PPFIA2: variants seen among roughly 807,000 people sequenced by gnomAD.
PPFIA2 encodes the protein liprin-alpha-2.
Under a neutral mutation model 175.5 loss-of-function variants are expected in PPFIA2, and 46 were observed. The observed-to-expected ratio is 0.26, with a 90% CI of 0.21 to 0.34. The LOEUF is 0.34. Ranked by LOEUF, PPFIA2 falls within the 10% of genes least tolerant of loss-of-function variation. PPFIA2 has a pLI of 1.00. For synonymous variants in PPFIA2, 568 were observed against 511.4 expected, an observed-to-expected ratio of 1.11 and a Z score of -1.49; for missense variants, 1,179 against 1,506.1, an observed-to-expected ratio of 0.78 and a Z score of 3.60.
chr12:81,642,683 C>CATACATGTACGTGTATGTATA (rs1567686433), intron 4 of PPFIA2, among the ~76,000 whole-genome samples: 1 of 35,982 alleles, frequency 2.8e-5, no homozygotes, highest in Non-Finnish European at 5.3e-5. Context: ...ATGTATGTAT[C>CATACATGTACGTGTATGTATA]TATTATATAC....
At chr12:81,270,170 A>T (rs557740469) in intron 28 of PPFIA2, among the ~76,000 whole-genome samples, 1 of 152,334 alleles carries the variant, frequency 6.6e-6, no homozygotes, top group Admixed American at 6.5e-5. Flanking sequence ...AAGGAATAGA[A>T]TTGTTATGTG....
rs549704507 is a variant in PPFIA2 at position 81,750,442 on chromosome 12, C to A, written c.249+3531G>T. Among the ~76,000 whole-genome samples, 18 of 112,486 alleles carry A rather than the reference C, an allele frequency of 1.6e-4. 1 individual carries two copies. The South Asian group carries it at 4.1e-3, about 26-fold the overall frequency. The allele number at this position is 112,486 out of a possible 152,430, so 73.8% of individuals were successfully genotyped here. A position where few individuals can be genotyped will look rare whatever the true frequency, so the allele number is the denominator to read the frequency against. On this transcript the variant is annotated intron_variant, in intron 3 of 32. Coordinates refer to ENST00000549396, the MANE Select transcript of PPFIA2 (RefSeq NM_003625.5). ...GGAAGAAAGCACCAACTATAAGGAC[C>A]CTTAAGGTGCCTAAGTAAGGAGTTA...
chr12:81,532,422 A>C (rs1278497129), intron 4 of PPFIA2, among the ~76,000 whole-genome samples: 1 of 151,802 alleles, frequency 6.6e-6, no homozygotes, highest in South Asian at 2.1e-4. Context: ...CATGAGGTCA[A>C]GTAGTCCTTT....
chr12:81,553,094 G>T (rs1397687933), intron 4 of PPFIA2, among the ~76,000 whole-genome samples: 1 of 151,930 alleles, frequency 6.6e-6, no homozygotes, highest in Non-Finnish European at 1.5e-5. Context: ...ATGGATACAT[G>T]AAATTCCAGA....
At chr12:81,650,018 T>TTTTTG (rs1567717107) in intron 4 of PPFIA2, among the ~76,000 whole-genome samples, 31 of 151,736 alleles carry the variant, frequency 2.0e-4, no homozygotes, top group Admixed American at 1.4e-3. Context: ...TTTTGTTTTT[T>TTTTTG]TTTTTTCCTG....
intron 22 of PPFIA2, among the ~76,000 whole-genome samples, chr12:81,322,569 T>C (rs938843520): frequency 1.3e-5 from 2 of 152,204 alleles, no homozygotes; most frequent in Non-Finnish European, 2.9e-5. Flanking sequence ...AATTACAAGC[T>C]GAGTTTTAGT....
At chr12:81,561,544 G>T (rs899836737) in intron 4 of PPFIA2, among the ~76,000 whole-genome samples, 5 of 152,072 alleles carry the variant, frequency 3.3e-5, no homozygotes, top group African/African-American at 7.2e-5. Flanking sequence ...AAATCTGTTG[G>T]TATGTTAGAA....
intron 4 of PPFIA2, among the ~76,000 whole-genome samples, chr12:81,500,715 TAG>T (rs2060505112): frequency 1.3e-5 from 2 of 152,324 alleles, no homozygotes; most frequent in South Asian, 2.1e-4. Context: ...CCCAGAGACA[TAG>T]AGTTTCCGTT....
Position 81,281,280 on chromosome 12 carries a change from T to C in PPFIA2, c.3189A>G (p.Leu1063=). The C allele has an allele frequency of 1.9e-6, 3 of 1,604,610 alleles. No homozygotes were observed. Among genetic ancestry groups the C allele is most frequent in the Non-Finnish European group, 2.6e-6 (3 of 1,175,362 alleles). ...HLTKKDLRVH[L]KMVDSFHRTS... ...ACCGATGGAAACTATCCACCATTTT[T>C]AAATGGACACGGAGATCTTTTTTTG... The change falls in exon 27 of 33, where the codon TTA becomes TTG. Residue 1063 remains leucine, a synonymous_variant. Coordinates refer to ENST00000549396, the MANE Select transcript of PPFIA2 (RefSeq NM_003625.5).
chr12:81,752,370 T>C (rs915291997), intron 3 of PPFIA2, among the ~76,000 whole-genome samples: 11 of 152,160 alleles, frequency 7.2e-5, no homozygotes, highest in African/African-American at 2.7e-4. Flanking sequence ...ATGGTGATAG[T>C]TCTAGAAATC....
Position 81,745,749 on chromosome 12 carries a change from A to G in PPFIA2, c.249+8224T>C, listed in dbSNP as rs1373947556. Reference sequence around the variant, plus strand: ...ACTATGAGGACTTGCCTGCCTTGAAACTCCTTCATCTGCTATATGGGCATC... The same window carrying G: ...ACTATGAGGACTTGCCTGCCTTGAAGCTCCTTCATCTGCTATATGGGCATC... On this transcript the variant is annotated intron_variant, in intron 3 of 32. Transcript: ENST00000549396. Among the ~76,000 whole-genome samples, 3 of 149,770 alleles carry G rather than the reference A, an allele frequency of 2.0e-5. No homozygotes were observed. The East Asian group carries it at 5.9e-4, about 30-fold the overall frequency.
chr12:81,511,769 C>T (rs1371199335), intron 4 of PPFIA2, among the ~76,000 whole-genome samples: 1 of 151,888 alleles, frequency 6.6e-6, no homozygotes, highest in African/African-American at 2.4e-5. Context: ...GCCTGGTAAG[C>T]AGTCCTTTAA....
intron 24 of PPFIA2, among the ~76,000 whole-genome samples, chr12:81,293,133 C>T (rs1055075538): frequency 2.0e-5 from 3 of 151,570 alleles, no homozygotes; most frequent in African/African-American, 7.3e-5. Context: ...TTACCTATTG[C>T]TAAAATTTAT....
intron 13 of PPFIA2, among the ~76,000 whole-genome samples, chr12:81,367,525 G>A (rs920987124): frequency 2.0e-5 from 3 of 151,616 alleles, no homozygotes; most frequent in Non-Finnish European, 4.4e-5. Context: ...AATCTTAGAG[G>A]TGTTATAAAA....
chr12:81,259,416 G>T lies in PPFIA2; in HGVS notation c.*278C>A, dbSNP rs1424732473. On this transcript the variant is annotated 3_prime_UTR_variant, in exon 33 of 33. Coordinates refer to ENST00000549396, the MANE Select transcript of PPFIA2 (RefSeq NM_003625.5). ...AAACAACTGGCTTCATTTCATAAAA[G>T]CATCTGTTGTACAGAGTTTATGATG... 1.8e-5 allele frequency: 12 copies of T among 656,970 alleles called. No homozygotes were observed. In the Admixed American group the frequency reaches 2.5e-4, roughly 14 times the overall value. The allele number at this position is 656,970 out of a possible 1,614,324, so 40.7% of individuals were successfully genotyped here.
At chr12:81,436,004 G>A (rs528837841) in intron 7 of PPFIA2, among the ~76,000 whole-genome samples, 5 of 151,962 alleles carry the variant, frequency 3.3e-5, no homozygotes, top group Admixed American at 2.6e-4. Context: ...GTTGCTGGGT[G>A]AGGTGGCTCA....
intron 3 of PPFIA2, among the ~76,000 whole-genome samples, chr12:81,720,864 G>A (rs1009304453): frequency 6.6e-6 from 1 of 150,810 alleles, no homozygotes; most frequent in Non-Finnish European, 1.5e-5. Flanking sequence ...ATCAACTTTT[G>A]TTACTTACAA....
chr12:81,581,706 G>A (rs1024900397), intron 4 of PPFIA2, among the ~76,000 whole-genome samples: 13 of 140,116 alleles, frequency 9.3e-5, no homozygotes, highest in African/African-American at 1.9e-4. Context: ...TAATAGTCAC[G>A]TGAGTCAAAC....
At chr12:81,412,196 G>A (rs2044088814) in intron 7 of PPFIA2, among the ~76,000 whole-genome samples, 1 of 151,514 alleles carries the variant, frequency 6.6e-6, no homozygotes, top group Non-Finnish European at 1.5e-5. Flanking sequence ...AAAATTTTAG[G>A]ATTTCTTGAG....
Sources: allele counts gnomAD v4.1 joint callset (sites outside exome capture counted in the v4.1 genomes callset), GRCh38; gene constraint gnomAD v4.1.1; transcripts MANE v1.5; gene names NCBI Gene and HGNC (gene_info 2026-07-23, HGNC 2026-07-21).